AHNAK2: variants seen among roughly 807,000 people sequenced by gnomAD.
The protein encoded by AHNAK2 is AHNAK nucleoprotein 2.
Under a neutral mutation model 30.7 loss-of-function variants are expected in AHNAK2, and 18 were observed. The observed-to-expected ratio is 0.59, with a 90% CI of 0.41 to 0.87. The LOEUF (loss-of-function observed/expected upper bound fraction) is 0.87. Ranked by LOEUF, AHNAK2 falls within the 40% of genes least tolerant of loss-of-function variation. The probability of loss-of-function intolerance (pLI) is 0.00; values close to 1 mark genes in which losing one functional copy is unlikely to be tolerated. For synonymous variants in AHNAK2, 3,590 were observed against 3,073.8 expected, an observed-to-expected ratio of 1.17 and a Z score of -5.56; for missense variants, 8,604 against 7,373.0, an observed-to-expected ratio of 1.17 and a Z score of -6.11.
Position 104,952,463 on chromosome 14 carries a change from G to T in AHNAK2, c.2988C>A (p.Ser996Arg). 1 of 1,612,708 alleles carries T rather than the reference G, an allele frequency of 6.2e-7. No homozygotes were observed. Among genetic ancestry groups the T allele is most frequent in the South Asian group, 1.1e-5 (1 of 91,044 alleles). ...LADKDVTAKD[S>R]KFKMPKFKMP... ...TCTTGAACTTGGGCATTTTGAACTT[G>T]CTGTCTTTGGCAGTCACGTCCTTGT... is the stretch of plus-strand genomic sequence containing the variant. The change falls in exon 7 of 7, where the codon AGC becomes AGA. Residue 996 changes from serine to arginine, a missense_variant. Coordinates refer to ENST00000333244, the MANE Select transcript of AHNAK2 (RefSeq NM_138420.4).
chr14:104,938,001 G>A lies in AHNAK2; in HGVS notation c.*62C>T. On this transcript the variant is annotated 3_prime_UTR_variant, in exon 7 of 7. Coordinates refer to ENST00000333244, the MANE Select transcript of AHNAK2 (RefSeq NM_138420.4). ...GTGGGATGGGGTGCTCCATATGTGT[G>A]TGTAGCCTTTACTTTCCAACTTAGT... The A allele has an allele frequency of 1.3e-6, 2 of 1,540,902 alleles. No individual in the cohort carries two copies. Among genetic ancestry groups the A allele is most frequent in the Non-Finnish European group, 1.8e-6 (2 of 1,134,190 alleles).
rs369134167 is a variant in AHNAK2 at position 104,954,655 on chromosome 14, A to T, written c.796T>A (p.Ser266Thr). 6.2e-7 allele frequency: 1 copy of T among 1,612,548 alleles called. No individual in the cohort carries two copies. The highest frequency in any genetic ancestry group is 1.7e-5 in the Admixed American group (1 of 59,906). The change falls in exon 7 of 7, where the codon TCC (serine) becomes ACC (threonine). Residue 266 changes from serine to threonine, a missense_variant. Ser to Thr is a moderately conservative substitution (Grantham distance 58, BLOSUM62 1). Transcript: ENST00000333244. The surrounding 1 kb of genome is among the most constrained non-coding windows in gnomAD (Gnocchi z 4.3). Reference sequence around the variant, plus strand: ...CCCGGCCCCCGCTTGCTCTTTATGGATTGAAATTTTGGCCAAGAGAGCCTC... The same window carrying T: ...CCCGGCCCCCGCTTGCTCTTTATGGTTTGAAATTTTGGCCAAGAGAGCCTC... ...RERLSWPKFQ[S>T]IKSKRGPGPQ...
At position 104,940,985 on chromosome 14, in the gene AHNAK2, A is replaced by G. The variant is rs201067783; in HGVS notation, c.14466T>C (p.Leu4822=). 76 of 1,613,252 alleles carry G rather than the reference A, an allele frequency of 4.7e-5. No individual in the cohort carries two copies. In the East Asian group the frequency reaches 1.6e-3, roughly 35 times the overall value. The part of the protein sequence containing the change: ...IPSGSQADIP[L]PKTECSTDLQ... The stretch of plus-strand genomic sequence containing the variant: ...GGTCAGTGGAGCACTCTGTCTTGGG[A>G]AGAGGAATATCAGCCTGAGACCCAG... Residue 4822 remains leucine, a synonymous_variant, in exon 7 of 7, where the codon CTT becomes CTC. Transcript: ENST00000333244. The surrounding 1 kb of genome is among the most constrained non-coding windows in gnomAD (Gnocchi z 4.4).
chr14:104,944,980 A>C lies in AHNAK2; in HGVS notation c.10471T>G (p.Ser3491Ala), dbSNP rs773599678. The C allele has an allele frequency of 2.4e-5, 38 of 1,612,294 alleles. No individual in the cohort carries two copies. Among genetic ancestry groups the C allele is most frequent in the Non-Finnish European group, 3.1e-5 (36 of 1,179,398 alleles). ...PSFGVSAPGR[S>A]IEASLDVSAP... ...GACACATCCAGCGAGGCCTCGATGG[A>C]CCTGCCTGGGGCCGACACCCCGAAG... Residue 3491 changes from serine to alanine, a missense_variant, in exon 7 of 7, where the codon TCC becomes GCC. Ser to Ala is a moderately conservative substitution (Grantham distance 99, BLOSUM62 1). Coordinates refer to ENST00000333244, the MANE Select transcript of AHNAK2 (RefSeq NM_138420.4).
Position 104,942,404 on chromosome 14 carries a change from C to T in AHNAK2, c.13047G>A (p.Gln4349=). 1 of 1,613,094 alleles carries T rather than the reference C, an allele frequency of 6.2e-7. No individual in the cohort carries two copies. The highest frequency in any genetic ancestry group is 1.1e-5 in the South Asian group (1 of 91,054). The change falls in exon 7 of 7, where the codon CAG becomes CAA. Residue 4349 remains glutamine, a synonymous_variant. Coordinates refer to ENST00000333244, the MANE Select transcript of AHNAK2 (RefSeq NM_138420.4). ...GDLKTTHLSI[Q]PPSADLEVQA... ...GGACCTCCAGATCAGCGGAAGGGGGCTGAATGCTGAGGTGAGTGGTCTTCA... is the reference window on the plus strand; with the variant it reads ...GGACCTCCAGATCAGCGGAAGGGGGTTGAATGCTGAGGTGAGTGGTCTTCA...
chr14:104,947,112 T>A lies in AHNAK2; in HGVS notation c.8339A>T (p.Glu2780Val). The change falls in exon 7 of 7, where the codon GAG (glutamate) becomes GTG (valine). Residue 2780 changes from glutamate (E) to valine (V), a missense_variant. Physicochemically the swap from Glu to Val is moderately radical, Grantham distance 121 (BLOSUM62 -2). Transcript: ENST00000333244. ...PDVKMSLSSMEVDVQAPRAKL... is the reference protein window; with the variant it reads ...PDVKMSLSSMVVDVQAPRAKL... The stretch of plus-strand genomic sequence containing the variant: ...TGCTCTCGGGGCCTGGACGTCCACC[T>A]CCATGCTGGACAGAGACATCTTCAC... The A allele has an allele frequency of 1.2e-6, 2 of 1,612,240 alleles. No individual in the cohort carries two copies. The highest frequency in any genetic ancestry group is 1.7e-6 in the Non-Finnish European group (2 of 1,179,522).
chr14:104,957,486 T>A lies in AHNAK2; in HGVS notation c.137A>T (p.Glu46Val), dbSNP rs377352309. 13 of 1,600,366 alleles carry A rather than the reference T, an allele frequency of 8.1e-6. No individual in the cohort carries two copies. The highest frequency in any genetic ancestry group is 1.1e-5 in the Non-Finnish European group (13 of 1,171,644). The change falls in exon 3 of 7, where the codon GAG (glutamate) becomes GTG (valine). Residue 46 changes from glutamate (E) to valine (V), a missense_variant. Physicochemically the swap from Glu to Val is moderately radical, Grantham distance 121 (BLOSUM62 -2). Transcript: ENST00000333244. Reference sequence around the variant, plus strand: ...CCCCTGCGGCCGTGGTCGAATGCCCTCATCCGCAGGCCCTTCAGTCACCTG... The same window carrying A: ...CCCCTGCGGCCGTGGTCGAATGCCCACATCCGCAGGCCCTTCAGTCACCTG... ...DHSVTEGPADEGIRPRPQGSS... is the reference protein window; with the variant it reads ...DHSVTEGPADVGIRPRPQGSS...
intron 1 of AHNAK2, among the ~76,000 whole-genome samples, chr14:104,973,452 G>A (rs1440953807): frequency 1.3e-5 from 2 of 152,194 alleles, no homozygotes; most frequent in African/African-American, 2.4e-5. Context: ...GGAGCAGGGC[G>A]AGGACCGAAG....
Position 104,946,585 on chromosome 14 carries a change from C to G in AHNAK2, c.8866G>C (p.Asp2956His). 6 of 1,613,190 alleles carry G rather than the reference C, an allele frequency of 3.7e-6. No individual in the cohort carries two copies. Among genetic ancestry groups the G allele is most frequent in the South Asian group, 1.1e-5 (1 of 91,038 alleles). Reference sequence around the variant, plus strand: ...AGGTCACCCTCCAGCCGTGCACCATCCAGCTTTGCTCTCGGGGCCTCGACG... The same window carrying G: ...AGGTCACCCTCCAGCCGTGCACCATGCAGCTTTGCTCTCGGGGCCTCGACG... Reference protein sequence around the residue: ...VDVEAPRAKLDGARLEGDLSL... With the variant: ...VDVEAPRAKLHGARLEGDLSL... The change falls in exon 7 of 7, where the codon GAT (aspartate) becomes CAT (histidine). Residue 2956 changes from aspartate (D) to histidine (H), a missense_variant. By Grantham distance (81) the Asp-to-His change is moderately conservative (BLOSUM62 -1). Transcript: ENST00000333244.
chr14:104,975,173 T>G (rs1899563151), intron 1 of AHNAK2, among the ~76,000 whole-genome samples: 2 of 152,174 alleles, frequency 1.3e-5, no homozygotes, highest in Non-Finnish European at 2.9e-5. Flanking sequence ...GAGTGGGCAC[T>G]CAGCTTCCTG....
Position 104,940,554 on chromosome 14 carries a change from G to A in AHNAK2, c.14897C>T (p.Ser4966Phe). Reference protein sequence around the residue: ...PKIKLPSFRWSPKKETGPKVD... With the variant: ...PKIKLPSFRWFPKKETGPKVD... Reference sequence around the variant, plus strand: ...CTTTGGCCCTGTTTCCTTCTTCGGGGACCACCTAAATGATGGAAGCTTAAT... The same window carrying A: ...CTTTGGCCCTGTTTCCTTCTTCGGGAACCACCTAAATGATGGAAGCTTAAT... Residue 4966 changes from serine (S) to phenylalanine (F), a missense_variant, in exon 7 of 7, where the codon TCC becomes TTC. Ser to Phe is a radical substitution (Grantham distance 155, BLOSUM62 -2). Transcript: ENST00000333244. This position sits in a 1 kb window ranked among gnomAD's most constrained non-coding sequence, Gnocchi z 4.4. 1 of 1,613,652 alleles carries A rather than the reference G, an allele frequency of 6.2e-7. No individual in the cohort carries two copies. The highest frequency in any genetic ancestry group is 1.1e-5 in the South Asian group (1 of 91,070).
In AHNAK2 at chr14:104,947,241, G is replaced by A. The variant is rs1211896206; in HGVS notation, c.8210C>T (p.Pro2737Leu). Reference sequence around the variant, plus strand: ...GTCCACTTCAGGCATCTTGAAACTGGGCATCTGCAGCTTGGGCAGGTGCCC... The same window carrying A: ...GTCCACTTCAGGCATCTTGAAACTGAGCATCTGCAGCTTGGGCAGGTGCCC... ...LKGHLPKLQM[P>L]SFKMPEVDLK... The change falls in exon 7 of 7, where the codon CCC becomes CTC. Residue 2737 changes from proline to leucine, a missense_variant. Coordinates refer to ENST00000333244, the MANE Select transcript of AHNAK2 (RefSeq NM_138420.4). 4 of 1,611,508 alleles carry A rather than the reference G, an allele frequency of 2.5e-6. No homozygotes were observed. Among genetic ancestry groups the A allele is most frequent in the South Asian group, 1.1e-5 (1 of 91,028 alleles).
intron 1 of AHNAK2, among the ~76,000 whole-genome samples, chr14:104,974,691 G>C (rs1435063650): frequency 6.6e-6 from 1 of 152,222 alleles, no homozygotes; most frequent in Admixed American, 6.5e-5. Context: ...TTCCCGGGGT[G>C]GCTTTGAGAC....
chr14:104,946,652 C>A lies in AHNAK2; in HGVS notation c.8799G>T (p.Thr2933=), dbSNP rs767547450. ...LDLKGPKAEV[T]APDVEVSLPS... ...GCAGAGACACCTCCACGTCGGGGGCCGTCACCTCCGCCTTGGGGCCTTTCA... is the reference window on the plus strand; with the variant it reads ...GCAGAGACACCTCCACGTCGGGGGCAGTCACCTCCGCCTTGGGGCCTTTCA... The change falls in exon 7 of 7, where the codon ACG becomes ACT. Residue 2933 remains threonine (T), a synonymous_variant. Coordinates refer to ENST00000333244, the MANE Select transcript of AHNAK2 (RefSeq NM_138420.4). 13 of 1,611,830 alleles carry A rather than the reference C, an allele frequency of 8.1e-6. No individual in the cohort carries two copies. The East Asian group carries it at 2.7e-4, about 33-fold the overall frequency.
Position 104,945,704 on chromosome 14 carries a change from C to T in AHNAK2, c.9747G>A (p.Lys3249=). ...VDRKGPQIDI[K]GPKLDLKGPK... is the part of the protein sequence containing the mutation. The stretch of plus-strand genomic sequence containing the variant: ...GGCCTTTCAGGTCCAGCTTGGGGCC[C>T]TTGATGTCTATCTGGGGGCCCTTGC... Residue 3249 remains lysine, a synonymous_variant, in exon 7 of 7, where the codon AAG becomes AAA. Coordinates refer to ENST00000333244, the MANE Select transcript of AHNAK2 (RefSeq NM_138420.4). The T allele has an allele frequency of 6.2e-7, 1 of 1,601,418 alleles. No individual in the cohort carries two copies. Among genetic ancestry groups the T allele is most frequent in the Non-Finnish European group, 8.5e-7 (1 of 1,172,628 alleles).
Position 104,940,970 on chromosome 14 carries a change from G to T in AHNAK2, c.14481C>A (p.Cys4827Ter). 6.2e-7 allele frequency: 1 copy of T among 1,613,194 alleles called. No homozygotes were observed. The change falls in exon 7 of 7, where the codon TGC becomes TGA. Residue 4827 changes from cysteine to a stop codon, truncating the protein, a stop_gained. Transcript: ENST00000333244. LOFTEE classifies it low-confidence loss of function (END_TRUNC). The surrounding 1 kb of genome is among the most constrained non-coding windows in gnomAD (Gnocchi z 4.4). The stretch of plus-strand genomic sequence containing the variant: ...CCTCTGGAGGCTGCAGGTCAGTGGA[G>T]CACTCTGTCTTGGGAAGAGGAATAT... ...QADIPLPKTE[C>*]STDLQPPEGV...
At position 104,938,180 on chromosome 14, in the gene AHNAK2, C is replaced by G; in HGVS notation, c.17271G>C (p.Gly5757=). The G allele has an allele frequency of 6.2e-7, 1 of 1,613,966 alleles. No homozygotes were observed. The highest frequency in any genetic ancestry group is 8.5e-7 in the Non-Finnish European group (1 of 1,179,902). Reference sequence around the variant, plus strand: ...ATGTCACCATCACTCTGGAGTCCAGCCCAGTGCCCACAGGCCCGATCAGTT... The same window carrying G: ...ATGTCACCATCACTCTGGAGTCCAGGCCAGTGCCCACAGGCCCGATCAGTT... The part of the protein sequence containing the change: ...EGELIGPVGT[G]LDSRVMVTSA... Residue 5757 remains glycine, a synonymous_variant, in exon 7 of 7, where the codon GGG becomes GGC. Coordinates refer to ENST00000333244, the MANE Select transcript of AHNAK2 (RefSeq NM_138420.4).
Position 104,944,888 on chromosome 14 carries a change from G to C in AHNAK2, c.10563C>G (p.Leu3521=), listed in dbSNP as rs778210114. 60 of 1,613,212 alleles carry C rather than the reference G, an allele frequency of 3.7e-5. 1 individual carries two copies. The highest frequency in any genetic ancestry group is 3.0e-4 in the South Asian group (27 of 91,048). ...SMQGDLKATD[L]SIQPPSADLE... ...GGTCAGCGGAAGGGGGCTGAATGCT[G>C]AGGTCAGTGGCCTTGAGGTCCCCCT... The change falls in exon 7 of 7, where the codon CTC becomes CTG. Residue 3521 remains leucine, a synonymous_variant. Transcript: ENST00000333244.
At position 104,949,873 on chromosome 14, in the gene AHNAK2, G is replaced by T. The variant is rs112183935; in HGVS notation, c.5578C>A (p.Pro1860Thr). The T allele has an allele frequency of 2.5e-6, 4 of 1,587,794 alleles. 1 individual carries two copies. ...APKVEAEVSL[P>T]SMQGDLKTTD... ...GTCTTGAGGTCCCCCTGCATGGAGG[G>T]GAGGCTCACTTCGGCCTCCACCTTC... is the stretch of plus-strand genomic sequence containing the variant. The change falls in exon 7 of 7, where the codon CCC becomes ACC. Residue 1860 changes from proline (P) to threonine (T), a missense_variant. Coordinates refer to ENST00000333244, the MANE Select transcript of AHNAK2 (RefSeq NM_138420.4).
Sources: gnomAD v4.1 joint callset for allele counts (sites outside exome capture counted in the v4.1 genomes callset) on GRCh38, gnomAD v4.1.1 for gene constraint, Gnocchi (gnomAD v3.1) non-coding constraint, MANE v1.5 for transcripts, NCBI Gene and HGNC (gene_info 2026-07-23, HGNC 2026-07-21) for gene names.